CANT1: variants seen among roughly 807,000 people sequenced by gnomAD.
CANT1 encodes calcium activated nucleotidase 1.
A neutral mutation model predicts 30.0 loss-of-function variants in CANT1; 26 were observed. That is an observed-to-expected ratio of 0.87 (90% CI 0.64 to 1.20). The LOEUF is 1.20. CANT1 is among the 50% of genes most tolerant of loss of function. CANT1 has a pLI of 0.00. For missense variants in CANT1, 518 were observed against 563.0 expected, an observed-to-expected ratio of 0.92 and a Z score of 0.81; for synonymous variants, 246 against 251.8, an observed-to-expected ratio of 0.98 and a Z score of 0.22.
Position 79,008,792 on chromosome 17 carries a change from G to A in CANT1, c.-147+872C>T, listed in dbSNP as rs1392225987. Among the ~76,000 whole-genome samples, 3 of 152,152 alleles carry A rather than the reference G, an allele frequency of 2.0e-5. No homozygotes were observed. Among genetic ancestry groups the A allele is most frequent in the African/African-American group, 4.8e-5 (2 of 41,430 alleles). On this transcript the variant is annotated intron_variant, in intron 1 of 4. Transcript: ENST00000392446. The surrounding 1 kb of genome is among the most constrained non-coding windows in gnomAD (Gnocchi z 4.4). Reference sequence around the variant, plus strand: ...CTCCAAGGATGAGAGAATCCAGACCGGATGGCAGTAGGGGTGTGAGACAGG... The same window carrying A: ...CTCCAAGGATGAGAGAATCCAGACCAGATGGCAGTAGGGGTGTGAGACAGG...
intron 1 of CANT1, among the ~76,000 whole-genome samples, chr17:79,001,937 C>T (rs2071277872): frequency 6.6e-6 from 1 of 152,082 alleles, no homozygotes; most frequent in Non-Finnish European, 1.5e-5. Context: ...AGGAGCCATC[C>T]CAGGAAGCAA....
rs998036364 is a variant in CANT1, at chr17:78,993,440, C to T, written c.*110G>A. 3.3e-6 allele frequency: 5 copies of T among 1,530,268 alleles called. 1 individual carries two copies. The highest frequency in any genetic ancestry group is 4.5e-6 in the Non-Finnish European group (5 of 1,120,758). 94.8% of individuals were successfully genotyped at this position (1,530,268 alleles called of 1,614,324 possible). A position where few individuals can be genotyped will look rare whatever the true frequency, so the allele number is the denominator to read the frequency against. ...CCCGGGACTGGGCTCCCTGTCCAGA[C>T]CTCCAACCCAGGCACAGTTCCAAAA... On this transcript the variant is annotated 3_prime_UTR_variant, in exon 5 of 5. Coordinates refer to ENST00000392446, the MANE Select transcript of CANT1 (RefSeq NM_001159773.2). This position sits in a 1 kb window ranked among gnomAD's most constrained non-coding sequence, Gnocchi z 4.5.
chr17:79,000,945 C>T (rs539541700), intron 1 of CANT1, among the ~76,000 whole-genome samples: 14 of 152,314 alleles, frequency 9.2e-5, no homozygotes, highest in South Asian at 8.3e-4. Flanking sequence ...ACAGTCTGCA[C>T]GCATTGGCTG....
rs1428279076 is a variant in CANT1 at position 78,996,511 on chromosome 17, CCTG to C, written c.631+478_631+480del. On this transcript the variant is annotated intron_variant, in intron 3 of 4. Coordinates refer to ENST00000392446, the MANE Select transcript of CANT1 (RefSeq NM_001159773.2). The surrounding 1 kb of genome is among the most constrained non-coding windows in gnomAD (Gnocchi z 5.1). The stretch of plus-strand genomic sequence containing the variant: ...TGGCACAGCTCACACATGCCCTCCC[CCTG>C]CTGGGGTTCAGGGAGAGGAGGGCTG... Among the ~76,000 whole-genome samples, 1 of 152,208 alleles carries C rather than the reference CCTG, an allele frequency of 6.6e-6. No homozygotes were observed. The highest frequency in any genetic ancestry group is 1.5e-5 in the Non-Finnish European group (1 of 68,040).
Position 78,993,973 on chromosome 17 carries a change from C to G in CANT1, c.836-53G>C. 1 of 1,528,162 alleles carries G rather than the reference C, an allele frequency of 6.5e-7. No individual in the cohort carries two copies. The highest frequency in any genetic ancestry group is 2.4e-5 in the East Asian group (1 of 40,926). 94.7% of individuals were successfully genotyped at this position (1,528,162 alleles called of 1,614,324 possible). ...CACGCATGCGGCCTGGTGTGCCCAG[C>G]CCCACACCATCAGGCCGTGCGCAGT... On this transcript the variant is annotated intron_variant, in intron 4 of 4. Transcript: ENST00000392446. The surrounding 1 kb of genome is among the most constrained non-coding windows in gnomAD (Gnocchi z 4.5).
In CANT1 at chr17:78,993,398, C is replaced by A; in HGVS notation, c.*152G>T. 2 of 1,150,052 alleles carry A rather than the reference C, an allele frequency of 1.7e-6. No individual in the cohort carries two copies. Among genetic ancestry groups the A allele is most frequent in the South Asian group, 1.3e-5 (1 of 74,554 alleles). 71.2% of individuals were successfully genotyped at this position (1,150,052 alleles called of 1,614,324 possible). On this transcript the variant is annotated 3_prime_UTR_variant, in exon 5 of 5. Coordinates refer to ENST00000392446, the MANE Select transcript of CANT1 (RefSeq NM_001159773.2). The surrounding 1 kb of genome is among the most constrained non-coding windows in gnomAD (Gnocchi z 4.5). ...CTCCGTGGGGCCCGGGGGTCCAGTG[C>A]CCGCACCACTATGGGGCCCGGGACT...
At chr17:78,999,722 C>G (rs939415249) in intron 1 of CANT1, among the ~76,000 whole-genome samples, 4 of 143,112 alleles carry the variant, frequency 2.8e-5, no homozygotes, top group Non-Finnish European at 4.5e-5. Context: ...GGCACGATCT[C>G]GGCTCACTGC....
rs778807955 is a variant in CANT1 at position 78,997,345 on chromosome 17, A to G, written c.278T>C (p.Leu93Pro). 5.0e-6 allele frequency: 8 copies of G among 1,605,538 alleles called. No individual in the cohort carries two copies. In the South Asian group the frequency reaches 5.5e-5, roughly 11 times the overall value. ...AGCCGGTGTCCTTTGTGGGGGAGAC[A>G]GGGGGTAGGTGTCATTGTACCAGTT... is the stretch of plus-strand genomic sequence containing the variant. ...PANWYNDTYP[L>P]SPPQRTPAGI... is the part of the protein sequence containing the mutation. The change falls in exon 3 of 5, where the codon CTG (leucine) becomes CCG (proline). Residue 93 changes from leucine to proline, a missense_variant. Coordinates refer to ENST00000392446, the MANE Select transcript of CANT1 (RefSeq NM_001159773.2). This position sits in a 1 kb window ranked among gnomAD's most constrained non-coding sequence, Gnocchi z 7.5.
Position 78,996,850 on chromosome 17 carries a change from A to C in CANT1, c.631+142T>G. On this transcript the variant is annotated intron_variant, in intron 3 of 4. Coordinates refer to ENST00000392446, the MANE Select transcript of CANT1 (RefSeq NM_001159773.2). This position sits in a 1 kb window ranked among gnomAD's most constrained non-coding sequence, Gnocchi z 5.1. ...GCTAAGGGTAAGGGGGCCGCAGGTC[A>C]GAGCAAGAGGGAGACGTGCTCCCTC... is the stretch of plus-strand genomic sequence containing the variant. The C allele has an allele frequency of 8.4e-7, 1 of 1,183,932 alleles. No homozygotes were observed. Among genetic ancestry groups the C allele is most frequent in the African/African-American group, 1.5e-5 (1 of 67,016 alleles). 73.3% of individuals were successfully genotyped at this position (1,183,932 alleles called of 1,614,324 possible).
rs769004967 is a variant in CANT1 at position 79,002,064 on chromosome 17, C to A, written c.-146-4101G>T. Reference sequence around the variant, plus strand: ...AGTTCCATCTCACCCTGATGACTCTCAGAGTCTTGGTCTAATGATCTAGAC... The same window carrying A: ...AGTTCCATCTCACCCTGATGACTCTAAGAGTCTTGGTCTAATGATCTAGAC... On this transcript the variant is annotated intron_variant, in intron 1 of 4. Transcript: ENST00000392446. This position sits in a 1 kb window ranked among gnomAD's most constrained non-coding sequence, Gnocchi z 4.0. Among the ~76,000 whole-genome samples, 2 of 152,164 alleles carry A rather than the reference C, an allele frequency of 1.3e-5. No individual in the cohort carries two copies. Among genetic ancestry groups the A allele is most frequent in the African/African-American group, 4.8e-5 (2 of 41,446 alleles).
chr17:79,001,509 T>G (rs1024503310), intron 1 of CANT1, among the ~76,000 whole-genome samples: 62 of 152,180 alleles, frequency 4.1e-4, no homozygotes, highest in African/African-American at 1.4e-3. Flanking sequence ...AAATGGCGAA[T>G]CTGTTAATGA....
intron 1 of CANT1, among the ~76,000 whole-genome samples, chr17:79,003,986 G>A (rs1364119234): frequency 2.6e-5 from 2 of 76,976 alleles, no homozygotes; most frequent in African/African-American, 5.6e-5. Context: ...AGTTAGGGAG[G>A]GGGGAATTGG....
At chr17:78,994,469 G>T (rs2070956754) in intron 4 of CANT1, among the ~76,000 whole-genome samples, 1 of 152,228 alleles carries the variant, frequency 6.6e-6, no homozygotes, top group Non-Finnish European at 1.5e-5. Flanking sequence ...ACCCACCAGT[G>T]CAGACAACCG....
rs2070993153 is a variant in CANT1 at position 78,995,255 on chromosome 17, C to T, written c.632-34G>A. On this transcript the variant is annotated intron_variant, in intron 3 of 4. Coordinates refer to ENST00000392446, the MANE Select transcript of CANT1 (RefSeq NM_001159773.2). This position sits in a 1 kb window ranked among gnomAD's most constrained non-coding sequence, Gnocchi z 5.7. ...GCAGAGTGTCCTTAGGCCCCGCACC[C>T]AGCTCCCGCCGCACCCCTGCACCTG... is the stretch of plus-strand genomic sequence containing the variant. The T allele has an allele frequency of 1.9e-6, 3 of 1,597,764 alleles. No homozygotes were observed. The East Asian group carries it at 6.7e-5, about 36-fold the overall frequency.
In CANT1 at chr17:78,993,310, C is replaced by A. The variant is rs1283619466; in HGVS notation, c.*240G>T. 1 of 565,594 alleles carries A rather than the reference C, an allele frequency of 1.8e-6. No individual in the cohort carries two copies. The allele number at this position is 565,594 out of a possible 1,614,324, so 35.0% of individuals were successfully genotyped here. ...CCAGCCAGTTAGGCAGGCCTTGAGTCAATGCCTGAAGTGACCGAAATCACC... is the reference window on the plus strand; with the variant it reads ...CCAGCCAGTTAGGCAGGCCTTGAGTAAATGCCTGAAGTGACCGAAATCACC... On this transcript the variant is annotated 3_prime_UTR_variant, in exon 5 of 5. Transcript: ENST00000392446. This position sits in a 1 kb window ranked among gnomAD's most constrained non-coding sequence, Gnocchi z 4.5.
intron 1 of CANT1, among the ~76,000 whole-genome samples, chr17:79,000,566 C>A (rs193141300): frequency 4.3e-4 from 65 of 152,222 alleles, no homozygotes; most frequent in Non-Finnish European, 7.9e-4. Flanking sequence ...TGGCACACTC[C>A]CAGCTTCAGC....
At chr17:79,000,706 C>G (rs550392440) in intron 1 of CANT1, among the ~76,000 whole-genome samples, 77 of 152,352 alleles carry the variant, frequency 5.1e-4, no homozygotes, top group African/African-American at 1.7e-3. Context: ...CTGGCAGAGC[C>G]TGCAGTTCCC....
At position 79,001,900 on chromosome 17, in the gene CANT1, C is replaced by T. The variant is rs1387571885; in HGVS notation, c.-146-3937G>A. On this transcript the variant is annotated intron_variant, in intron 1 of 4. Coordinates refer to ENST00000392446, the MANE Select transcript of CANT1 (RefSeq NM_001159773.2). ...CCGCAAACCAGGTCCTCCTCAGGAA[C>T]TCCCTGTCCTGGCAGTGCCGGCCCT... Among the ~76,000 whole-genome samples, 76 of 152,228 alleles carry T rather than the reference C, an allele frequency of 5.0e-4. 1 individual carries two copies. Among genetic ancestry groups the T allele is most frequent in the Non-Finnish European group, 8.8e-5 (6 of 68,020 alleles).
Position 78,997,750 on chromosome 17 carries a change from A to G in CANT1, c.-23+90T>C, listed in dbSNP as rs1392090133. ...GGAGGCTGACTTTTCCAGAAGAAACAGTATTTCACTACTCTGTGGCCATTC... is the reference window on the plus strand; with the variant it reads ...GGAGGCTGACTTTTCCAGAAGAAACGGTATTTCACTACTCTGTGGCCATTC... On this transcript the variant is annotated intron_variant, in intron 2 of 4. Transcript: ENST00000392446. The surrounding 1 kb of genome is among the most constrained non-coding windows in gnomAD (Gnocchi z 7.5). 2.1e-6 allele frequency: 2 copies of G among 964,686 alleles called. No homozygotes were observed. The highest frequency in any genetic ancestry group is 2.7e-5 in the East Asian group (1 of 37,334). 59.8% of individuals were successfully genotyped at this position (964,686 alleles called of 1,614,324 possible). A position where few individuals can be genotyped will look rare whatever the true frequency, so the allele number is the denominator to read the frequency against.
Sources: gnomAD v4.1 joint callset for allele counts (sites outside exome capture counted in the v4.1 genomes callset) on GRCh38, gnomAD v4.1.1 for gene constraint, Gnocchi (gnomAD v3.1) non-coding constraint, MANE v1.5 for transcripts, NCBI Gene and HGNC (gene_info 2026-07-23, HGNC 2026-07-21) for gene names.